Variants in LRMDA observed in about 807,000 individuals in gnomAD.
LRMDA encodes leucine-rich melanocyte differentiation-associated protein.
Under a neutral mutation model 29.8 loss-of-function variants are expected in LRMDA, and 18 were observed. That is an observed-to-expected ratio of 0.60 (90% CI 0.42 to 0.90). The LOEUF is 0.90. Among genes scored for constraint, LRMDA ranks in the 40% least tolerant of loss-of-function variants. LRMDA has a pLI of 0.00. For synonymous variants in LRMDA, 125 were observed against 109.4 expected, an observed-to-expected ratio of 1.14 and a Z score of -0.89; for missense variants, 273 against 273.9, an observed-to-expected ratio of 1.00 and a Z score of 0.02.
intron 6 of LRMDA, among the ~76,000 whole-genome samples, chr10:76,436,414 G>T (rs1842245312): frequency 6.6e-6 from 1 of 152,228 alleles, no homozygotes; most frequent in African/African-American, 2.4e-5. Context: ...GCCACTTGGG[G>T]TTCCACATGA....
intron 2 of LRMDA, among the ~76,000 whole-genome samples, chr10:75,576,948 C>A (rs1358402600): frequency 6.6e-6 from 1 of 152,164 alleles, no homozygotes; most frequent in Admixed American, 6.5e-5. Context: ...TGCAAAAAGG[C>A]TGAAAATTCC....
intron 5 of LRMDA, among the ~76,000 whole-genome samples, chr10:76,086,124 G>A (rs965500478): frequency 3.3e-5 from 5 of 152,036 alleles, no homozygotes; most frequent in Non-Finnish European, 7.4e-5. Context: ...CTAGTTCCTC[G>A]CCTTACCCCA....
intron 2 of LRMDA, among the ~76,000 whole-genome samples, chr10:75,668,606 T>G (rs569511643): frequency 6.6e-6 from 1 of 152,208 alleles, no homozygotes; most frequent in South Asian, 2.1e-4. Context: ...CCCAGAGCAC[T>G]GTCTCACATA....
intron 2 of LRMDA, among the ~76,000 whole-genome samples, chr10:75,505,846 G>A (rs531172516): frequency 1.8e-4 from 28 of 152,276 alleles, no homozygotes; most frequent in African/African-American, 6.7e-4. Flanking sequence ...TGTGTCTCAT[G>A]CTGAATTATT....
chr10:75,948,940 A>G (rs1045036050), intron 2 of LRMDA, among the ~76,000 whole-genome samples: 7 of 151,850 alleles, frequency 4.6e-5, no homozygotes, highest in Non-Finnish European at 7.3e-5. Context: ...TTTCAGTAAC[A>G]CAAGCATAAG....
intron 5 of LRMDA, among the ~76,000 whole-genome samples, chr10:76,234,318 T>G (rs1852111917): frequency 6.6e-6 from 1 of 152,202 alleles, no homozygotes; most frequent in Admixed American, 6.5e-5. Flanking sequence ...TTTAAGTAAA[T>G]CATGCTGTGA....
intron 6 of LRMDA, among the ~76,000 whole-genome samples, chr10:76,495,623 A>G (rs1216454786): frequency 6.6e-6 from 1 of 151,936 alleles, no homozygotes; most frequent in Non-Finnish European, 1.5e-5. Flanking sequence ...CCAATTCATG[A>G]ACATGGTATA....
chr10:75,767,715 G>A (rs1843187762), intron 2 of LRMDA, among the ~76,000 whole-genome samples: 2 of 152,160 alleles, frequency 1.3e-5, no homozygotes, highest in African/African-American at 2.4e-5. Context: ...GGTACTGATG[G>A]TAGGCTAAAA....
intron 2 of LRMDA, among the ~76,000 whole-genome samples, chr10:75,528,036 T>G (rs1393030519): frequency 6.6e-6 from 1 of 152,082 alleles, no homozygotes; most frequent in Non-Finnish European, 1.5e-5. Context: ...TCTACCTGTC[T>G]TGGCCTCCCA....
chr10:75,802,952 GTGTATATA>G (rs749561075), intron 2 of LRMDA, among the ~76,000 whole-genome samples: 4 of 139,140 alleles, frequency 2.9e-5, no homozygotes, highest in East Asian at 2.1e-4. Flanking sequence ...GTGTGTGTGT[GTGTATATA>G]TATATATATA....
At chr10:75,710,304 G>A (rs909556494) in intron 2 of LRMDA, among the ~76,000 whole-genome samples, 2 of 152,150 alleles carry the variant, frequency 1.3e-5, no homozygotes, top group Non-Finnish European at 2.9e-5. Context: ...TATCTATCAA[G>A]TTTATGGGTT....
At chr10:76,350,709 G>A (rs562072656) in intron 6 of LRMDA, among the ~76,000 whole-genome samples, 2 of 152,308 alleles carry the variant, frequency 1.3e-5, no homozygotes, top group Non-Finnish European at 2.9e-5. Context: ...TTCCATTGCT[G>A]TCTTAATATT....
At chr10:76,328,063 A>G (rs981443473) in intron 6 of LRMDA, among the ~76,000 whole-genome samples, 7 of 152,216 alleles carry the variant, frequency 4.6e-5, no homozygotes, top group Non-Finnish European at 1.0e-4. Context: ...TGGATTTAGA[A>G]TGGTCCACCT....
At chr10:76,259,305 C>G (rs1415999735) in intron 5 of LRMDA, among the ~76,000 whole-genome samples, 1 of 151,936 alleles carries the variant, frequency 6.6e-6, no homozygotes, top group African/African-American at 2.4e-5. Context: ...TATTTTCATT[C>G]TTAATTTTTT....
chr10:76,071,380 AAAAGAG>A (rs1454956272), intron 5 of LRMDA, among the ~76,000 whole-genome samples: 1 of 152,244 alleles, frequency 6.6e-6, no homozygotes, highest in Non-Finnish European at 1.5e-5. Flanking sequence ...TAATGCTAGA[AAAAGAG>A]AAAGAGAGGT....
intron 2 of LRMDA, among the ~76,000 whole-genome samples, chr10:75,955,304 T>G (rs1846645564): frequency 6.6e-6 from 1 of 152,148 alleles, no homozygotes; most frequent in South Asian, 2.1e-4. Context: ...AGGTTGAAAT[T>G]GTGCCAATCA....
intron 2 of LRMDA, among the ~76,000 whole-genome samples, chr10:75,646,950 T>A (rs979188223): frequency 6.6e-6 from 1 of 152,230 alleles, no homozygotes; most frequent in African/African-American, 2.4e-5. Flanking sequence ...GGACACATTT[T>A]TTGTTGGCAA....
intron 6 of LRMDA, among the ~76,000 whole-genome samples, chr10:76,527,669 A>C (rs1843191898): frequency 6.6e-6 from 1 of 152,300 alleles, no homozygotes; most frequent in Non-Finnish European, 1.5e-5. Context: ...ACCTACTTAA[A>C]GTTTTTAGAA....
chr10:75,695,224 A>T (rs4745790), intron 2 of LRMDA, among the ~76,000 whole-genome samples: 22,572 of 151,658 alleles, frequency 0.15, 1,972 homozygotes, highest in African/African-American at 0.23. Flanking sequence ...CTGGTTTTTT[A>T]AAAAAAATAA....
Sources: gnomAD v4.1 joint callset for allele counts (sites outside exome capture counted in the v4.1 genomes callset) on GRCh38, gnomAD v4.1.1 for gene constraint, MANE v1.5 for transcripts, NCBI Gene and HGNC (gene_info 2026-07-23, HGNC 2026-07-21) for gene names.